Variants in GIMAP1 observed in about 807,000 individuals in gnomAD.
GIMAP1 encodes GTPase, IMAP family member 1, also known as GTPase IMAP family member 1.
For synonymous variants in GIMAP1, 230 were observed against 187.7 expected, an observed-to-expected ratio of 1.23 and a Z score of -1.84; for missense variants, 423 against 411.9, an observed-to-expected ratio of 1.03 and a Z score of -0.23.
chr7:150,718,731 C>T (rs1187976744), intron 1 of GIMAP1, among the ~76,000 whole-genome samples: 1 of 152,230 alleles, frequency 6.6e-6, no homozygotes, highest in Admixed American at 6.5e-5. Flanking sequence ...CCTACCAACT[C>T]AAGGGCAGGG....
In GIMAP1 at chr7:150,720,812, T is replaced by G. The variant is rs1334716607; in HGVS notation, c.808T>G (p.Ser270Ala). The change falls in exon 3 of 3, where the codon TCC (serine) becomes GCC (alanine). Residue 270 changes from serine to alanine, a missense_variant. Physicochemically the swap from Ser to Ala is moderately conservative, Grantham distance 99. Coordinates refer to ENST00000307194, the MANE Select transcript of GIMAP1 (RefSeq NM_130759.4). This position sits in a 1 kb window ranked among gnomAD's most constrained non-coding sequence, Gnocchi z 4.5. The part of the protein sequence containing the change: ...LSARLWKWLK[S>A]PRSWRLGLAL... ...GGCCCGGCTGTGGAAGTGGCTGAAG[T>G]CCCCCAGGAGCTGGAGGCTGGGCCT... The G allele has an allele frequency of 6.3e-7, 1 of 1,596,878 alleles. No homozygotes were observed. The highest frequency in any genetic ancestry group is 2.3e-5 in the East Asian group (1 of 44,186).
At chr7:150,718,720 T>A (rs534009798) in intron 1 of GIMAP1, among the ~76,000 whole-genome samples, 1 of 152,218 alleles carries the variant, frequency 6.6e-6, no homozygotes, top group African/African-American at 2.4e-5. Flanking sequence ...TCTCACAGCA[T>A]CCTACCAACT....
chr7:150,717,051 G>A (rs1045496177), intron 1 of GIMAP1, among the ~76,000 whole-genome samples: 1 of 152,152 alleles, frequency 6.6e-6, no homozygotes, highest in Admixed American at 6.5e-5. Context: ...AAAGGCAAAA[G>A]ATATTTCTAT....
Position 150,722,312 on chromosome 7 carries a change from G to A in GIMAP1, c.*1387G>A, listed in dbSNP as rs35370936. On this transcript the variant is annotated 3_prime_UTR_variant, in exon 3 of 3. Transcript: ENST00000307194. The stretch of plus-strand genomic sequence containing the variant: ...CTTCCCCAGCACACGTTGGGAAGAA[G>A]GGGTCTGCAAGCATGCGCACAATTG... 0.082 allele frequency: 12,455 copies of A among 152,484 alleles called. 649 individuals carry two copies. Among genetic ancestry groups the A allele is most frequent in the East Asian group, 0.2 (1,020 of 5,166 alleles). 9.4% of individuals were successfully genotyped at this position (152,484 alleles called of 1,614,324 possible).
rs1297516788 is a variant in GIMAP1 at position 150,720,483 on chromosome 7, G to T, written c.479G>T (p.Gly160Val). 3 of 1,574,160 alleles carry T rather than the reference G, an allele frequency of 1.9e-6. No homozygotes were observed. Among genetic ancestry groups the T allele is most frequent in the East Asian group, 2.2e-5 (1 of 44,588 alleles). Residue 160 changes from glycine (G) to valine (V), a missense_variant, in exon 3 of 3, where the codon GGC becomes GTC. Gly to Val is a moderately radical substitution (Grantham distance 109, BLOSUM62 -3). Transcript: ENST00000307194. The surrounding 1 kb of genome is among the most constrained non-coding windows in gnomAD (Gnocchi z 4.5). Reference sequence around the variant, plus strand: ...ACCAGGAAGGAGGACCTGGCCGGGGGCTCCCTGCACGATTACGTGAGCAAC... The same window carrying T: ...ACCAGGAAGGAGGACCTGGCCGGGGTCTCCCTGCACGATTACGTGAGCAAC... The part of the protein sequence containing the change: ...VFTRKEDLAG[G>V]SLHDYVSNTE...
At position 150,724,050 on chromosome 7, in the gene GIMAP1, G is replaced by T. The variant is rs960989747; in HGVS notation, c.*3125G>T. On this transcript the variant is annotated 3_prime_UTR_variant, in exon 3 of 3. Transcript: ENST00000307194. ...CACAATCAATATTCAGTTCCAGCCCGCACAGTAGCCCTAGCAAATGCCAGT... is the reference window on the plus strand; with the variant it reads ...CACAATCAATATTCAGTTCCAGCCCTCACAGTAGCCCTAGCAAATGCCAGT... The T allele has an allele frequency of 5.9e-5, 9 of 151,990 alleles. No individual in the cohort carries two copies. Among genetic ancestry groups the T allele is most frequent in the African/African-American group, 1.9e-4 (8 of 41,364 alleles). 9.4% of individuals were successfully genotyped at this position (151,990 alleles called of 1,614,324 possible). A position where few individuals can be genotyped will look rare whatever the true frequency, so the allele number is the denominator to read the frequency against.
In GIMAP1 at chr7:150,720,763, G is replaced by A; in HGVS notation, c.759G>A (p.Arg253=). 6.4e-7 allele frequency: 1 copy of A among 1,570,706 alleles called. No individual in the cohort carries two copies. Among genetic ancestry groups the A allele is most frequent in the Non-Finnish European group, 8.6e-7 (1 of 1,158,674 alleles). ...AGCGCGTGGCAGCCAGGGTGCAGAG[G>A]AGGCCATGGGGCGCCTGGCTGTCGG... ...VAERVAARVQ[R]RPWGAWLSAR... Residue 253 remains arginine, a synonymous_variant, in exon 3 of 3, where the codon AGG becomes AGA. Transcript: ENST00000307194. This position sits in a 1 kb window ranked among gnomAD's most constrained non-coding sequence, Gnocchi z 4.5.
In GIMAP1 at chr7:150,720,530, G is replaced by A. The variant is rs1345838972; in HGVS notation, c.526G>A (p.Glu176Lys). 1.2e-6 allele frequency: 2 copies of A among 1,607,930 alleles called. No individual in the cohort carries two copies. Among genetic ancestry groups the A allele is most frequent in the South Asian group, 2.2e-5 (2 of 89,900 alleles). The change falls in exon 3 of 3, where the codon GAG becomes AAG. Residue 176 changes from glutamate (E) to lysine (K), a missense_variant. Glu to Lys is a moderately conservative substitution (Grantham distance 56). Coordinates refer to ENST00000307194, the MANE Select transcript of GIMAP1 (RefSeq NM_130759.4). The surrounding 1 kb of genome is among the most constrained non-coding windows in gnomAD (Gnocchi z 4.5). Reference sequence around the variant, plus strand: ...CAACACAGAGAACCGGGCCTTGCGCGAGCTGGTGGCCGAGTGCGGGGGCCG... The same window carrying A: ...CAACACAGAGAACCGGGCCTTGCGCAAGCTGGTGGCCGAGTGCGGGGGCCG... The part of the protein sequence containing the change: ...VSNTENRALR[E>K]LVAECGGRVC...
chr7:150,720,245 G>T lies in GIMAP1; in HGVS notation c.241G>T (p.Val81Leu), dbSNP rs201983958. 6.2e-7 allele frequency: 1 copy of T among 1,614,094 alleles called. No individual in the cohort carries two copies. Among genetic ancestry groups the T allele is most frequent in the African/African-American group, 1.3e-5 (1 of 74,946 alleles). Reference sequence around the variant, plus strand: ...GTGGGACAAGTGCCACGTGGAAGTCGTGGACACTCCGGACATTTTCAGCTC... The same window carrying T: ...GTGGGACAAGTGCCACGTGGAAGTCTTGGACACTCCGGACATTTTCAGCTC... ...RRWDKCHVEV[V>L]DTPDIFSSQV... The change falls in exon 3 of 3, where the codon GTG becomes TTG. Residue 81 changes from valine (V) to leucine (L), a missense_variant. By Grantham distance (32) the Val-to-Leu change is conservative. Transcript: ENST00000307194. The surrounding 1 kb of genome is among the most constrained non-coding windows in gnomAD (Gnocchi z 4.5).
Sources: gnomAD v4.1 joint callset for allele counts (sites outside exome capture counted in the v4.1 genomes callset) on GRCh38, gnomAD v4.1.1 for gene constraint, Gnocchi (gnomAD v3.1) non-coding constraint, MANE v1.5 for transcripts, NCBI Gene and HGNC (gene_info 2026-07-23, HGNC 2026-07-21) for gene names.